Variants in SLC9D1 observed in about 807,000 individuals in gnomAD.
The protein encoded by SLC9D1 is solute carrier family 9 member D1, also known as putative LAG1-interacting protein.
At chr13:113,523,499 A>T in the SLC9D1 span, among the ~76,000 whole-genome samples, 4 of 152,120 alleles carry the variant, frequency 2.6e-5, no homozygotes, top group Admixed American at 1.3e-4. Flanking sequence ...CTGTAGTGAT[A>T]TCTTCTGTTT....
the SLC9D1 span, among the ~76,000 whole-genome samples, chr13:113,500,770 A>C: frequency 1.3e-5 from 2 of 152,206 alleles, no homozygotes; most frequent in South Asian, 4.1e-4. Context: ...AGGTTTGTAC[A>C]GGAGCAGAAA....
the SLC9D1 span, among the ~76,000 whole-genome samples, chr13:113,516,681 T>C: frequency 6.6e-6 from 1 of 152,196 alleles, no homozygotes; most frequent in Admixed American, 6.5e-5. Flanking sequence ...TCAGTCACTC[T>C]TCTTACATGG....
chr13:113,523,381 G>A, the SLC9D1 span, among the ~76,000 whole-genome samples: 9 of 152,202 alleles, frequency 5.9e-5, no homozygotes, highest in South Asian at 1.7e-3. Context: ...TTGAGTTGTG[G>A]TAGCTTAGCT....
chr13:113,494,170 A>G, the SLC9D1 span, among the ~76,000 whole-genome samples: 2 of 152,318 alleles, frequency 1.3e-5, no homozygotes, highest in East Asian at 1.9e-4. Flanking sequence ...GGATGCTGCT[A>G]TGAAGAATGG....
the SLC9D1 span, among the ~76,000 whole-genome samples, chr13:113,546,772 C>T: frequency 6.6e-6 from 1 of 152,298 alleles, no homozygotes; most frequent in South Asian, 2.1e-4. This position sits in a 1 kb window ranked among gnomAD's most constrained non-coding sequence, Gnocchi z 7.1. Flanking sequence ...CACTCGGCAG[C>T]ACAGCAGGAC....
At chr13:113,530,469 TTAA>T in the SLC9D1 span, 1 of 152,158 alleles carries the variant, frequency 6.6e-6, no homozygotes, top group Admixed American at 6.5e-5. Context: ...TAACAAGGTG[TTAA>T]TGATTTTCTA....
chr13:113,506,695 C>T, the SLC9D1 span, among the ~76,000 whole-genome samples: 1 of 152,140 alleles, frequency 6.6e-6, no homozygotes, highest in Non-Finnish European at 1.5e-5. Flanking sequence ...CTGCCTGGAC[C>T]TGTGTTCCTC....
the SLC9D1 span, among the ~76,000 whole-genome samples, chr13:113,519,766 T>C: frequency 6.6e-6 from 1 of 151,864 alleles, no homozygotes; most frequent in Non-Finnish European, 1.5e-5. Flanking sequence ...TCTGTCTTGG[T>C]CTCACAGCGA....
chr13:113,545,137 G>A, the SLC9D1 span, among the ~76,000 whole-genome samples: 1 of 152,224 alleles, frequency 6.6e-6, no homozygotes, highest in Admixed American at 6.5e-5. Flanking sequence ...GCCCCCGCCA[G>A]CCTCGCTCAC....
chr13:113,515,907 A>T, the SLC9D1 span, among the ~76,000 whole-genome samples: 1 of 151,740 alleles, frequency 6.6e-6, no homozygotes, highest in Non-Finnish European at 1.5e-5. Context: ...AAAAAAAAAA[A>T]AAAAAAAGAA....
chr13:113,548,314 G>A, the SLC9D1 span: 65 of 1,613,842 alleles, frequency 4.0e-5, no homozygotes, highest in Non-Finnish European at 4.8e-5. Context: ...TTCTCCTGGC[G>A]GCGCTGGTCC....
chr13:113,500,186 A>G, the SLC9D1 span: 32 of 1,313,720 alleles, frequency 2.4e-5, no homozygotes, highest in South Asian at 2.7e-4. Flanking sequence ...CCTTCCCCCA[A>G]TTCCTGGTTC....
the SLC9D1 span, among the ~76,000 whole-genome samples, chr13:113,508,682 C>T: frequency 6.6e-5 from 10 of 152,270 alleles, no homozygotes; most frequent in East Asian, 1.9e-4. Flanking sequence ...GAAGTGAGCC[C>T]GGGCCTCATG....
the SLC9D1 span, among the ~76,000 whole-genome samples, chr13:113,499,273 C>T: frequency 0.44 from 67,289 of 152,060 alleles, 17,717 homozygotes; most frequent in African/African-American, 0.74. Context: ...GCTGGCTTCT[C>T]TACTGCATCT....
At chr13:113,544,784 A>C in the SLC9D1 span, among the ~76,000 whole-genome samples, 1 of 152,308 alleles carries the variant, frequency 6.6e-6, no homozygotes, top group African/African-American at 2.4e-5. Context: ...ATTTTGCCTT[A>C]AGTAGCTCCC....
At chr13:113,539,533 T>C in the SLC9D1 span, 2 of 1,607,628 alleles carry the variant, frequency 1.2e-6, no homozygotes, top group Middle Eastern at 1.6e-4. This position sits in a 1 kb window ranked among gnomAD's most constrained non-coding sequence, Gnocchi z 4.8. Flanking sequence ...TACATTATGA[T>C]TGTGTTGGTT....
At chr13:113,517,933 T>G in the SLC9D1 span, among the ~76,000 whole-genome samples, 5 of 151,970 alleles carry the variant, frequency 3.3e-5, no homozygotes, top group South Asian at 2.1e-4. Flanking sequence ...CCCTTAGGAC[T>G]TTATTTCTTT....
chr13:113,541,417 C>T, the SLC9D1 span, among the ~76,000 whole-genome samples: 2 of 146,536 alleles, frequency 1.4e-5, no homozygotes, highest in Non-Finnish European at 3.0e-5. Context: ...CTGATCACTG[C>T]CATGCTTTAA....
At chr13:113,544,869 C>CCA in the SLC9D1 span, among the ~76,000 whole-genome samples, 4 of 152,280 alleles carry the variant, frequency 2.6e-5, no homozygotes, top group African/African-American at 9.6e-5. Context: ...ACAGCTCAGT[C>CCA]CACAGCAGGT....
Sources: allele counts gnomAD v4.1 joint callset (sites outside exome capture counted in the v4.1 genomes callset), GRCh38; gene constraint gnomAD v4.1.1; non-coding constraint Gnocchi (gnomAD v3.1); transcripts MANE v1.5; gene names NCBI Gene and HGNC (gene_info 2026-07-23, HGNC 2026-07-21).